The following ZNF804B variants were observed in gnomAD, a reference collection of about 807,000 sequenced individuals.
ZNF804B encodes zinc finger protein 804B.
A neutral mutation model predicts 101.4 loss-of-function variants in ZNF804B; 80 were observed. That is an observed-to-expected ratio of 0.79 (90% CI 0.66 to 0.95). The LOEUF is 0.95. ZNF804B is among the 40% of genes least tolerant of loss of function. The pLI, the probability that ZNF804B is intolerant of heterozygous loss-of-function variation, is 0.00. For synonymous variants in ZNF804B, 622 were observed against 558.8 expected, an observed-to-expected ratio of 1.11 and a Z score of -1.59; for missense variants, 1,673 against 1,561.9, an observed-to-expected ratio of 1.07 and a Z score of -1.20.
chr7:89,228,910 G>GC (rs1459199002), intron 2 of ZNF804B, among the ~76,000 whole-genome samples: 1 of 152,212 alleles, frequency 6.6e-6, no homozygotes, highest in African/African-American at 2.4e-5. Context: ...CCGGAGCCCT[G>GC]CCCCGCGGGA....
chr7:88,771,350 TG>T (rs1261524084), intron 1 of ZNF804B, among the ~76,000 whole-genome samples: 3 of 152,108 alleles, frequency 2.0e-5, no homozygotes, highest in African/African-American at 4.8e-5. Context: ...TTTTAATTTT[TG>T]TATTAAAGAA....
chr7:89,273,659 T>C (rs1789932542), intron 2 of ZNF804B, among the ~76,000 whole-genome samples: 1 of 152,132 alleles, frequency 6.6e-6, no homozygotes, highest in African/African-American at 2.4e-5. Flanking sequence ...TGAAGCTTGT[T>C]TTATAACTAT....
chr7:89,106,522 A>G (rs1477718768), intron 1 of ZNF804B, among the ~76,000 whole-genome samples: 2 of 152,120 alleles, frequency 1.3e-5, no homozygotes, highest in Non-Finnish European at 2.9e-5. Context: ...GATGAGAAAA[A>G]TGGATCCATA....
At chr7:89,090,009 A>G (rs1169652456) in intron 1 of ZNF804B, among the ~76,000 whole-genome samples, 1 of 152,124 alleles carries the variant, frequency 6.6e-6, no homozygotes, top group Non-Finnish European at 1.5e-5. Context: ...ACATTTACGG[A>G]CAGTAAAATA....
chr7:89,311,244 C>T (rs540326114), intron 2 of ZNF804B, among the ~76,000 whole-genome samples: 10 of 152,102 alleles, frequency 6.6e-5, no homozygotes, highest in East Asian at 1.9e-4. Flanking sequence ...TTTAAAATAA[C>T]GAATACTTTT....
At chr7:88,828,968 T>C (rs1030507082) in intron 1 of ZNF804B, among the ~76,000 whole-genome samples, 2 of 152,096 alleles carry the variant, frequency 1.3e-5, no homozygotes, top group African/African-American at 4.8e-5. Flanking sequence ...AGGTCTATGT[T>C]TACCCAGCTA....
intron 1 of ZNF804B, among the ~76,000 whole-genome samples, chr7:88,860,879 GA>G (rs1462460535): frequency 6.6e-6 from 1 of 152,124 alleles, no homozygotes; most frequent in Admixed American, 6.6e-5. Context: ...CCAGAATATT[GA>G]TTAAGTAGTG....
chr7:89,303,285 C>G (rs111516891), intron 2 of ZNF804B, among the ~76,000 whole-genome samples: 2,886 of 151,922 alleles, frequency 0.019, 79 homozygotes, highest in African/African-American at 0.066. Flanking sequence ...TATTTCAAAG[C>G]TTTCATAGTT....
intron 1 of ZNF804B, among the ~76,000 whole-genome samples, chr7:89,103,712 T>A (rs1790094078): frequency 6.6e-6 from 1 of 151,898 alleles, no homozygotes; most frequent in Non-Finnish European, 1.5e-5. Context: ...CAATTTGGAT[T>A]CCTTTTATTT....
chr7:88,773,125 T>G (rs886113682), intron 1 of ZNF804B, among the ~76,000 whole-genome samples: 16 of 152,212 alleles, frequency 1.1e-4, no homozygotes, highest in African/African-American at 3.9e-4. Context: ...AAGTGTTGAT[T>G]ATATATTAGT....
intron 1 of ZNF804B, among the ~76,000 whole-genome samples, chr7:88,969,740 A>G (rs1056645852): frequency 6.6e-6 from 1 of 151,652 alleles, no homozygotes; most frequent in South Asian, 2.1e-4. Context: ...TGCTATATAC[A>G]TGATTGCTTA....
intron 1 of ZNF804B, among the ~76,000 whole-genome samples, chr7:88,979,463 G>GT (rs894259683): frequency 1.3e-5 from 2 of 151,840 alleles, no homozygotes; most frequent in Non-Finnish European, 2.9e-5. Context: ...ATAGATAAAG[G>GT]TTTTTTTCCC....
intron 1 of ZNF804B, among the ~76,000 whole-genome samples, chr7:88,877,047 ATATTTTTTTTTTT>A (rs1791962440): frequency 3.5e-5 from 1 of 28,778 alleles, no homozygotes; most frequent in South Asian, 1.4e-3. Context: ...ATATATATAT[ATATTTTTTTTTTT>A]TTTTTTTTTT....
chr7:89,286,085 T>C (rs979336640), intron 2 of ZNF804B, among the ~76,000 whole-genome samples: 1 of 152,192 alleles, frequency 6.6e-6, no homozygotes, highest in Non-Finnish European at 1.5e-5. Flanking sequence ...TAAAGTTCTT[T>C]TGATGTTGAA....
At chr7:89,178,985 C>A (rs1280801632) in intron 1 of ZNF804B, among the ~76,000 whole-genome samples, 1 of 152,114 alleles carries the variant, frequency 6.6e-6, no homozygotes, top group Non-Finnish European at 1.5e-5. Flanking sequence ...TAAAATATGT[C>A]ATGCCACTCT....
intron 1 of ZNF804B, among the ~76,000 whole-genome samples, chr7:88,907,297 CTA>C (rs1792487852): frequency 6.6e-6 from 1 of 151,996 alleles, no homozygotes; most frequent in South Asian, 2.1e-4. Flanking sequence ...GTTCTTCACT[CTA>C]TGTTTTTTAA....
chr7:88,900,710 A>T (rs977324016), intron 1 of ZNF804B, among the ~76,000 whole-genome samples: 15 of 151,448 alleles, frequency 9.9e-5, no homozygotes, highest in Non-Finnish European at 1.8e-4. Context: ...CTATAATAGA[A>T]TGATATAAAA....
intron 1 of ZNF804B, chr7:88,794,551 A>G (rs1429212664): frequency 6.2e-7 from 1 of 1,613,500 alleles, no homozygotes; most frequent in Admixed American, 1.7e-5. Flanking sequence ...AATGACTATA[A>G]TTTTCATTTG....
At chr7:89,110,138 G>C (rs149632981) in intron 1 of ZNF804B, among the ~76,000 whole-genome samples, 27 of 152,272 alleles carry the variant, frequency 1.8e-4, no homozygotes, top group African/African-American at 6.0e-4. Flanking sequence ...AAAATTTTCA[G>C]TGGTAGGTGG....
Sources: allele counts gnomAD v4.1 joint callset (sites outside exome capture counted in the v4.1 genomes callset), GRCh38; gene constraint gnomAD v4.1.1; transcripts MANE v1.5; gene names NCBI Gene and HGNC (gene_info 2026-07-23, HGNC 2026-07-21).